The following RIT2 variants were observed in gnomAD, a reference collection of about 807,000 sequenced individuals.
The protein encoded by RIT2 is Ras like without CAAX 2.
A neutral mutation model predicts 23.7 loss-of-function variants in RIT2; 24 were observed. The observed-to-expected ratio is 1.01, with a 90% CI of 0.73 to 1.43. RIT2 has a LOEUF of 1.43. Ranked by LOEUF, RIT2 falls within the 40% of genes most tolerant of loss-of-function variation. The pLI, the probability that RIT2 is intolerant of heterozygous loss-of-function variation, is 0.00. For synonymous variants in RIT2, 107 were observed against 91.1 expected (o/e 1.17, Z -0.99); for missense variants, 236 against 266.9 (o/e 0.88, Z 0.81).
intron 3 of RIT2, among the ~76,000 whole-genome samples, chr18:42,926,701 A>G (rs1335014835): frequency 2.0e-5 from 3 of 151,980 alleles, no homozygotes; most frequent in Admixed American, 6.6e-5. Flanking sequence ...CACATATCAC[A>G]TTAAAAATAG....
At chr18:42,747,732 C>T (rs1258622485) in intron 4 of RIT2, among the ~76,000 whole-genome samples, 2 of 151,876 alleles carry the variant, frequency 1.3e-5, no homozygotes, top group African/African-American at 2.4e-5. Context: ...GAAATAAAGC[C>T]AAATACTAAC....
At chr18:42,788,482 A>G (rs974814533) in intron 4 of RIT2, among the ~76,000 whole-genome samples, 1 of 152,176 alleles carries the variant, frequency 6.6e-6, no homozygotes, top group Non-Finnish European at 1.5e-5. Flanking sequence ...ATTTGAATGA[A>G]TCTTTATCCA....
At chr18:42,977,466 AC>A (rs1910500908) in intron 2 of RIT2, among the ~76,000 whole-genome samples, 1 of 152,070 alleles carries the variant, frequency 6.6e-6, no homozygotes, top group African/African-American at 2.4e-5. Flanking sequence ...ATTGTGAGCC[AC>A]AAGTAAACAA....
intron 2 of RIT2, among the ~76,000 whole-genome samples, chr18:43,029,607 C>A (rs1911808770): frequency 6.6e-6 from 1 of 151,884 alleles, no homozygotes; most frequent in African/African-American, 2.4e-5. Context: ...GAGATATGAT[C>A]AGCTCTCAGA....
chr18:42,759,667 G>A (rs73951748), intron 4 of RIT2, among the ~76,000 whole-genome samples: 10,192 of 150,244 alleles, frequency 0.068, 783 homozygotes, highest in East Asian at 0.34. Flanking sequence ...GAAAGCAGCT[G>A]AAGACCTTAG....
chr18:42,846,399 G>C (rs1373125647), intron 4 of RIT2, among the ~76,000 whole-genome samples: 1 of 151,880 alleles, frequency 6.6e-6, no homozygotes, highest in Non-Finnish European at 1.5e-5. Context: ...CCATGAATTT[G>C]AGTATGTATT....
At chr18:42,798,479 A>C (rs556796631) in intron 4 of RIT2, among the ~76,000 whole-genome samples, 3 of 152,250 alleles carry the variant, frequency 2.0e-5, no homozygotes, top group Non-Finnish European at 4.4e-5. Flanking sequence ...AGTTTATAAT[A>C]ATATTGGCTT....
intron 1 of RIT2, among the ~76,000 whole-genome samples, chr18:43,034,068 C>A (rs1911919382): frequency 6.6e-6 from 1 of 152,072 alleles, no homozygotes; most frequent in African/African-American, 2.4e-5. Context: ...CCAGATACTT[C>A]TCTGAAATAA....
At chr18:42,965,287 C>T (rs1910189270) in intron 3 of RIT2, among the ~76,000 whole-genome samples, 2 of 152,010 alleles carry the variant, frequency 1.3e-5, no homozygotes, top group South Asian at 4.1e-4. Flanking sequence ...ATCATAGACC[C>T]AAGAAATATT....
At chr18:42,967,828 G>A (rs1910272110) in intron 3 of RIT2, among the ~76,000 whole-genome samples, 1 of 151,412 alleles carries the variant, frequency 6.6e-6, no homozygotes, top group African/African-American at 2.4e-5. Flanking sequence ...TAGAGCAAAT[G>A]GTCCCAGACT....
chr18:43,077,790 C>T (rs538255659), intron 1 of RIT2, among the ~76,000 whole-genome samples: 1 of 152,238 alleles, frequency 6.6e-6, no homozygotes, highest in Non-Finnish European at 1.5e-5. Flanking sequence ...CCTGTGTATT[C>T]TTTATTAGAT....
chr18:43,061,046 C>CTA (rs1333885088), intron 1 of RIT2, among the ~76,000 whole-genome samples: 3 of 151,962 alleles, frequency 2.0e-5, no homozygotes, highest in Non-Finnish European at 2.9e-5. Flanking sequence ...ATTGTAATAT[C>CTA]TACATTATAT....
intron 1 of RIT2, among the ~76,000 whole-genome samples, chr18:43,038,837 G>T (rs527576906): frequency 1.3e-5 from 2 of 151,122 alleles, no homozygotes; most frequent in African/African-American, 4.8e-5. Flanking sequence ...CTGTTTCTAT[G>T]CATTACATAT....
chr18:43,033,406 G>A (rs1291552007), intron 2 of RIT2, among the ~76,000 whole-genome samples: 1 of 152,042 alleles, frequency 6.6e-6, no homozygotes, highest in Non-Finnish European at 1.5e-5. Flanking sequence ...CATTAACATG[G>A]CTAAATAACT....
chr18:42,954,312 G>A (rs905282793), intron 3 of RIT2, among the ~76,000 whole-genome samples: 4 of 150,152 alleles, frequency 2.7e-5, no homozygotes, highest in African/African-American at 4.9e-5. Flanking sequence ...GGGAGACAGA[G>A]GTGCAGTGAT....
chr18:42,813,454 TTTA>T (rs1157740082), intron 4 of RIT2, among the ~76,000 whole-genome samples: 1 of 152,150 alleles, frequency 6.6e-6, no homozygotes, highest in African/African-American at 2.4e-5. Flanking sequence ...AGTTTTATGT[TTTA>T]TTCTTTTAAG....
At chr18:42,908,833 GC>G (rs1204820767) in intron 4 of RIT2, among the ~76,000 whole-genome samples, 2 of 152,042 alleles carry the variant, frequency 1.3e-5, no homozygotes, top group Non-Finnish European at 2.9e-5. Context: ...TTGTGGTTTT[GC>G]CATTGTTTTA....
chr18:42,922,760 G>A (rs1909084023), intron 4 of RIT2, among the ~76,000 whole-genome samples: 3 of 152,118 alleles, frequency 2.0e-5, no homozygotes, highest in African/African-American at 7.2e-5. Context: ...GCTAGCCACA[G>A]TTTCTTCCTT....
intron 3 of RIT2, 22 bp from the exon 4 acceptor site, chr18:42,923,785 A>T: frequency 1.3e-6 from 2 of 1,510,500 alleles, no homozygotes; most frequent in Non-Finnish European, 1.8e-6. Flanking sequence ...AAAAAAAAAA[A>T]TTAGTTATGG....
Sources: allele counts gnomAD v4.1 joint callset (sites outside exome capture counted in the v4.1 genomes callset), GRCh38; gene constraint gnomAD v4.1.1; transcripts MANE v1.5; gene names NCBI Gene and HGNC (gene_info 2026-07-23, HGNC 2026-07-21).